SLC30A8: variants seen among roughly 807,000 people sequenced by gnomAD.
SLC30A8 encodes solute carrier family 30 member 8, also known as proton-coupled zinc antiporter SLC30A8.
Under a neutral mutation model 36.9 loss-of-function variants are expected in SLC30A8, and 27 were observed. The observed-to-expected ratio is 0.73, with a 90% CI of 0.54 to 1.01. SLC30A8 has a LOEUF of 1.01. SLC30A8 is among the 50% of genes least tolerant of loss of function. The pLI, the probability that SLC30A8 is intolerant of heterozygous loss-of-function variation, is 0.00. For synonymous variants in SLC30A8, 164 were observed against 172.4 expected, an observed-to-expected ratio of 0.95 and a Z score of 0.38; for missense variants, 439 against 452.0, an observed-to-expected ratio of 0.97 and a Z score of 0.26.
chr8:117,161,880 T>G lies in SLC30A8; in HGVS notation c.715T>G (p.Tyr239Asp), dbSNP rs1489643976. 1 of 1,611,772 alleles carries G rather than the reference T, an allele frequency of 6.2e-7. No individual in the cohort carries two copies. The highest frequency in any genetic ancestry group is 8.5e-7 in the Non-Finnish European group (1 of 1,178,430). ...TGTGCTAATTAGTGCACTTATTATC[T>G]ACTTTAAGGTGAGTTTGAGTTTACC... ...ISVLISALII[Y>D]FKPEYKIADP... The change falls in exon 5 of 8, where the codon TAC (tyrosine) becomes GAC (aspartate). Residue 239 changes from tyrosine (Y) to aspartate (D), a missense_variant. Physicochemically the swap from Tyr to Asp is radical, Grantham distance 160. Transcript: ENST00000456015.
chr8:117,017,255 A>G (rs1442825333), intron 1 of SLC30A8, among the ~76,000 whole-genome samples: 2 of 152,172 alleles, frequency 1.3e-5, no homozygotes, highest in Non-Finnish European at 2.9e-5. Context: ...TAAAGATCAT[A>G]GTTACAGGGC....
intron 2 of SLC30A8, among the ~76,000 whole-genome samples, chr8:117,119,337 G>T (rs535101505): frequency 2.0e-5 from 3 of 151,680 alleles, no homozygotes; most frequent in African/African-American, 7.3e-5. Flanking sequence ...TTGGGGAGTC[G>T]GTCCATATTG....
intron 2 of SLC30A8, among the ~76,000 whole-genome samples, chr8:117,055,379 A>G (rs1402388440): frequency 6.6e-6 from 1 of 152,224 alleles, no homozygotes; most frequent in Non-Finnish European, 1.5e-5. Flanking sequence ...CCTTACTCTT[A>G]AATTACAGCT....
intron 2 of SLC30A8, among the ~76,000 whole-genome samples, chr8:117,117,180 A>G (rs757299158): frequency 1.3e-5 from 2 of 152,040 alleles, no homozygotes; most frequent in East Asian, 1.9e-4. Flanking sequence ...AGTTAAAACA[A>G]TAGCTGATAC....
At chr8:117,023,314 G>A (rs1290808430) in intron 1 of SLC30A8, among the ~76,000 whole-genome samples, 5 of 152,218 alleles carry the variant, frequency 3.3e-5, no homozygotes, top group South Asian at 2.1e-4. Flanking sequence ...TCAGTGTGGC[G>A]ATTCCTCAGG....
At chr8:117,049,270 G>A (rs1049227544) in intron 2 of SLC30A8, among the ~76,000 whole-genome samples, 4 of 152,168 alleles carry the variant, frequency 2.6e-5, no homozygotes, top group South Asian at 4.2e-4. Flanking sequence ...ACATAATGTT[G>A]CCCACATGCC....
At chr8:117,017,337 C>T (rs1816552027) in intron 1 of SLC30A8, among the ~76,000 whole-genome samples, 2 of 152,338 alleles carry the variant, frequency 1.3e-5, no homozygotes, top group South Asian at 2.1e-4. Flanking sequence ...CACTTTGCTT[C>T]AGTTTCTGAA....
intron 1 of SLC30A8, chr8:117,006,933 C>G (rs1816192021): frequency 6.7e-6 from 1 of 148,670 alleles, no homozygotes; most frequent in Non-Finnish European, 1.5e-5. Flanking sequence ...CAGGCACCTG[C>G]CACCCCGCTT....
chr8:117,101,481 T>C (rs181331130), intron 2 of SLC30A8, among the ~76,000 whole-genome samples: 5 of 152,286 alleles, frequency 3.3e-5, no homozygotes, highest in Non-Finnish European at 7.4e-5. Flanking sequence ...CTGGAAAAAT[T>C]CAATTTTAGA....
chr8:117,097,396 CAAAAAAAAAA>C (rs1157294543), intron 2 of SLC30A8, among the ~76,000 whole-genome samples: 3 of 25,054 alleles, frequency 1.2e-4, no homozygotes, highest in African/African-American at 3.3e-4. Context: ...GACTCCATCT[CAAAAAAAAAA>C]AAAAAAAAAA....
chr8:117,074,261 G>A lies in SLC30A8; in HGVS notation c.-226+35003G>A, dbSNP rs950027020. ...CAATTTGAAGGGCGCAGTATTATAA[G>A]CCTCATGGCCCTTCCTGTGGACTTT... On this transcript the variant is annotated intron_variant, in intron 2 of 10. Transcript: ENST00000427715. Among the ~76,000 whole-genome samples, 7 of 152,164 alleles carry A rather than the reference G, an allele frequency of 4.6e-5. 1 individual carries two copies. The highest frequency in any genetic ancestry group is 2.6e-4 in the Admixed American group (4 of 15,274).
chr8:117,018,363 A>G (rs547943004), intron 1 of SLC30A8: 1 of 152,364 alleles, frequency 6.6e-6, no homozygotes, highest in South Asian at 2.1e-4. Flanking sequence ...TCAACATGTA[A>G]TATGAAAAAT....
intron 2 of SLC30A8, among the ~76,000 whole-genome samples, chr8:117,108,931 T>C (rs1478520735): frequency 1.3e-5 from 2 of 152,198 alleles, no homozygotes; most frequent in East Asian, 3.8e-4. Flanking sequence ...GTCACCCTTT[T>C]ATTGGAATAC....
chr8:117,126,571 C>T lies in SLC30A8; in HGVS notation c.-225-8709C>T, dbSNP rs1027358554. On this transcript the variant is annotated intron_variant, in intron 2 of 10. Coordinates refer to the SLC30A8 transcript ENST00000427715. Reference sequence around the variant, plus strand: ...CCATCCATCCATCCATCCATCCATCCATCCATCCATCCATCCATTTATTGA... The same window carrying T: ...CCATCCATCCATCCATCCATCCATCTATCCATCCATCCATCCATTTATTGA... Among the ~76,000 whole-genome samples, 25 of 151,812 alleles carry T rather than the reference C, an allele frequency of 1.6e-4. 1 individual carries two copies. The highest frequency in any genetic ancestry group is 3.1e-4 in the Non-Finnish European group (21 of 67,934).
At chr8:116,965,620 G>A (rs891413693) in intron 1 of SLC30A8, among the ~76,000 whole-genome samples, 1 of 152,112 alleles carries the variant, frequency 6.6e-6, no homozygotes, top group Non-Finnish European at 1.5e-5. Context: ...GCTTCCCATC[G>A]CCTATTCAGT....
chr8:117,018,685 T>G (rs1233210412), intron 1 of SLC30A8, among the ~76,000 whole-genome samples: 1 of 139,880 alleles, frequency 7.1e-6, no homozygotes, highest in Non-Finnish European at 1.6e-5. Flanking sequence ...CTTTTTTTTT[T>G]TGATGGAGTC....
chr8:117,013,648 A>G (rs986864775), intron 1 of SLC30A8, among the ~76,000 whole-genome samples: 1 of 152,180 alleles, frequency 6.6e-6, no homozygotes, highest in Admixed American at 6.5e-5. Flanking sequence ...GGTGGTGTCA[A>G]GCTTTGGGAT....
intron 2 of SLC30A8, among the ~76,000 whole-genome samples, chr8:117,058,756 G>A (rs1028943352): frequency 1.3e-5 from 2 of 152,140 alleles, no homozygotes; most frequent in Non-Finnish European, 1.5e-5. Context: ...GCACACAAAA[G>A]TTATATGAAA....
chr8:117,073,490 T>C (rs1031876465), intron 2 of SLC30A8, among the ~76,000 whole-genome samples: 2 of 152,068 alleles, frequency 1.3e-5, no homozygotes, highest in African/African-American at 4.8e-5. Context: ...GAACTCCTGA[T>C]CTGAAGTGAT....
Sources: gnomAD v4.1 joint callset for allele counts (sites outside exome capture counted in the v4.1 genomes callset) on GRCh38, gnomAD v4.1.1 for gene constraint, MANE v1.5 for transcripts, NCBI Gene and HGNC (gene_info 2026-07-23, HGNC 2026-07-21) for gene names.